EXOC6B: variants seen among roughly 807,000 people sequenced by gnomAD.
The protein encoded by EXOC6B is exocyst complex component 6B.
EXOC6B carries 54 observed loss-of-function variants against 113.5 expected under a neutral mutation model. The observed-to-expected ratio is 0.48, with a 90% confidence interval of 0.38 to 0.60. EXOC6B has a LOEUF of 0.60. Ranked by LOEUF, EXOC6B falls within the 20% of genes least tolerant of loss-of-function variation. EXOC6B has a pLI of 0.00. For synonymous variants in EXOC6B, 357 were observed against 339.0 expected (o/e 1.05, Z -0.58); for missense variants, 797 against 977.5 (o/e 0.82, Z 2.46).
intron 1 of EXOC6B, among the ~76,000 whole-genome samples, chr2:72,770,540 T>C (rs1346041131): frequency 6.6e-6 from 1 of 152,200 alleles, no homozygotes; most frequent in Non-Finnish European, 1.5e-5. Context: ...AAGTGGTAAA[T>C]ATAAAGATTA....
chr2:72,228,292 G>A (rs1265621121), intron 20 of EXOC6B, among the ~76,000 whole-genome samples: 1 of 152,034 alleles, frequency 6.6e-6, no homozygotes, highest in Admixed American at 6.6e-5. Flanking sequence ...TATACTTTAA[G>A]TTTTAGGGTA....
intron 20 of EXOC6B, among the ~76,000 whole-genome samples, chr2:72,239,262 C>G (rs530118467): frequency 2.8e-4 from 43 of 152,270 alleles, no homozygotes; most frequent in African/African-American, 9.4e-4. Flanking sequence ...TGTTGCCTAA[C>G]TCAAGGTCAG....
intron 18 of EXOC6B, among the ~76,000 whole-genome samples, chr2:72,406,353 C>G (rs1218658122): frequency 6.6e-6 from 1 of 152,006 alleles, no homozygotes; most frequent in Non-Finnish European, 1.5e-5. Context: ...CCAAGCAGAC[C>G]TAATAGACAT....
intron 20 of EXOC6B, among the ~76,000 whole-genome samples, chr2:72,202,048 C>G (rs183063911): frequency 5.4e-4 from 82 of 152,302 alleles, no homozygotes; most frequent in African/African-American, 1.8e-3. Flanking sequence ...GCTTAATCTT[C>G]TAATTTCTTG....
chr2:72,781,865 G>A (rs552130410), intron 1 of EXOC6B, among the ~76,000 whole-genome samples: 12 of 152,138 alleles, frequency 7.9e-5, no homozygotes, highest in South Asian at 4.2e-4. Flanking sequence ...TAGGCCAGGC[G>A]CAGTGGTTCG....
At chr2:72,381,882 T>C (rs1254523911) in intron 18 of EXOC6B, among the ~76,000 whole-genome samples, 5 of 152,222 alleles carry the variant, frequency 3.3e-5, no homozygotes, top group Non-Finnish European at 5.9e-5. Flanking sequence ...ATGTCTTTGA[T>C]TACTGTGTGC....
chr2:72,643,543 C>T (rs1229677013), intron 6 of EXOC6B, among the ~76,000 whole-genome samples: 1 of 146,294 alleles, frequency 6.8e-6, no homozygotes, highest in African/African-American at 2.5e-5. Context: ...TATTCTCACT[C>T]ATAGGTGGGA....
At chr2:72,247,442 C>G (rs1302425188) in intron 20 of EXOC6B, among the ~76,000 whole-genome samples, 3 of 152,216 alleles carry the variant, frequency 2.0e-5, no homozygotes, top group Non-Finnish European at 4.4e-5. Flanking sequence ...ACTGGGGTTG[C>G]TGTCATTATC....
At chr2:72,181,253 C>A (rs2104204003) in intron 21 of EXOC6B, among the ~76,000 whole-genome samples, 1 of 151,424 alleles carries the variant, frequency 6.6e-6, no homozygotes, top group Non-Finnish European at 1.5e-5. Flanking sequence ...GCTCAAGAGC[C>A]TTCAGGCTGG....
intron 20 of EXOC6B, among the ~76,000 whole-genome samples, chr2:72,247,751 C>T (rs1293562706): frequency 2.0e-5 from 3 of 152,130 alleles, no homozygotes; most frequent in African/African-American, 7.2e-5. Flanking sequence ...GATGATTGGT[C>T]CACAGATGAC....
intron 20 of EXOC6B, among the ~76,000 whole-genome samples, chr2:72,302,959 G>C (rs543606521): frequency 6.6e-6 from 1 of 152,248 alleles, no homozygotes; most frequent in South Asian, 2.1e-4. Context: ...GTTGGTAACA[G>C]TCTTTCCTTT....
chr2:72,427,325 C>T (rs1695255886), intron 18 of EXOC6B, among the ~76,000 whole-genome samples: 1 of 152,132 alleles, frequency 6.6e-6, no homozygotes, highest in East Asian at 1.9e-4. Context: ...CAGACGGGAG[C>T]CCCACCCTCC....
chr2:72,328,091 C>G (rs1404442103), intron 20 of EXOC6B, among the ~76,000 whole-genome samples: 2 of 152,102 alleles, frequency 1.3e-5, no homozygotes, highest in South Asian at 4.1e-4. Context: ...TTAGCTCTCC[C>G]CTACCCATAC....
chr2:72,742,732 C>T (rs1469317292), intron 1 of EXOC6B, among the ~76,000 whole-genome samples: 2 of 152,122 alleles, frequency 1.3e-5, no homozygotes, highest in Non-Finnish European at 2.9e-5. Flanking sequence ...TATTACATTC[C>T]GAAGTATTCC....
chr2:72,704,700 C>G (rs1326480982), intron 6 of EXOC6B, among the ~76,000 whole-genome samples: 1 of 151,358 alleles, frequency 6.6e-6, no homozygotes, highest in Non-Finnish European at 1.5e-5. Flanking sequence ...CTACAAACAC[C>G]TCTACGCAAA....
intron 6 of EXOC6B, among the ~76,000 whole-genome samples, chr2:72,659,083 T>A (rs1374024522): frequency 1.3e-5 from 2 of 152,120 alleles, no homozygotes; most frequent in Non-Finnish European, 2.9e-5. Context: ...CCAGACAGTA[T>A]CTCAAATTAT....
chr2:72,447,436 G>A (rs551676352), intron 18 of EXOC6B, among the ~76,000 whole-genome samples: 1 of 152,204 alleles, frequency 6.6e-6, no homozygotes, highest in African/African-American at 2.4e-5. Flanking sequence ...TCAAATATAT[G>A]AAGGTAGTAT....
chr2:72,286,502 G>A (rs1311058042), intron 20 of EXOC6B, among the ~76,000 whole-genome samples: 1 of 152,136 alleles, frequency 6.6e-6, no homozygotes, highest in African/African-American at 2.4e-5. Flanking sequence ...GGCAAGAAGG[G>A]AATGAAGAGG....
chr2:72,348,269 A>G (rs1019100141), intron 19 of EXOC6B, among the ~76,000 whole-genome samples: 63 of 152,202 alleles, frequency 4.1e-4, no homozygotes, highest in African/African-American at 1.5e-3. Context: ...CCACCTCCTA[A>G]TATAGTTCCC....
Sources: allele counts gnomAD v4.1 joint callset (sites outside exome capture counted in the v4.1 genomes callset), GRCh38; gene constraint gnomAD v4.1.1; transcripts MANE v1.5; gene names NCBI Gene and HGNC (gene_info 2026-07-23, HGNC 2026-07-21).